Variants in GRM5 observed in about 807,000 individuals in gnomAD.
GRM5 encodes the protein glutamate metabotropic receptor 5, also known as metabotropic glutamate receptor 5.
GRM5 carries 19 observed loss-of-function variants against 83.1 expected under a neutral mutation model. That is an observed-to-expected ratio of 0.23 (90% CI 0.16 to 0.34). The LOEUF is 0.34. Ranked by LOEUF, GRM5 falls within the 10% of genes least tolerant of loss-of-function variation. GRM5 has a pLI of 1.00. For missense variants in GRM5, 1,160 were observed against 1,588.3 expected, an observed-to-expected ratio of 0.73 and a Z score of 4.58; for synonymous variants, 675 against 633.6, an observed-to-expected ratio of 1.07 and a Z score of -0.98.
intron 2 of GRM5, among the ~76,000 whole-genome samples, chr11:88,992,588 T>C (rs1940018886): frequency 6.6e-6 from 1 of 151,840 alleles, no homozygotes; most frequent in Non-Finnish European, 1.5e-5. Context: ...TGTGGCACTA[T>C]TCACAATAGC....
chr11:88,789,764 G>A (rs556621385), intron 3 of GRM5, among the ~76,000 whole-genome samples: 17 of 152,116 alleles, frequency 1.1e-4, no homozygotes, highest in Admixed American at 2.6e-4. Context: ...TTATTCTTAC[G>A]GTAAATTATA....
chr11:88,813,065 G>C (rs1412784962), intron 3 of GRM5, among the ~76,000 whole-genome samples: 2 of 152,166 alleles, frequency 1.3e-5, no homozygotes, highest in Admixed American at 6.5e-5. Flanking sequence ...GGGAAGATTA[G>C]TATTTATCTC....
chr11:88,644,490 G>C (rs1038883868), intron 4 of GRM5, among the ~76,000 whole-genome samples: 1 of 152,156 alleles, frequency 6.6e-6, no homozygotes, highest in Non-Finnish European at 1.5e-5. Flanking sequence ...TAAAATGTTT[G>C]CATGCTGGTC....
intron 2 of GRM5, among the ~76,000 whole-genome samples, chr11:89,038,937 G>T (rs1251439079): frequency 1.3e-5 from 2 of 152,100 alleles, no homozygotes; most frequent in Non-Finnish European, 2.9e-5. Context: ...TTATCAGACT[G>T]TGTTATGAAA....
intron 3 of GRM5, among the ~76,000 whole-genome samples, chr11:88,679,313 C>T (rs940721858): frequency 1.3e-5 from 2 of 151,656 alleles, no homozygotes; most frequent in African/African-American, 4.8e-5. Context: ...CTTGCTTAAA[C>T]AACCATTAAG....
chr11:88,525,502 CTG>C (rs1941851046), intron 8 of GRM5, 98 bp from the exon 9 acceptor site: 1 of 730,320 alleles, frequency 1.4e-6, no homozygotes, highest in Admixed American at 2.3e-5. Context: ...GATGGTCACT[CTG>C]TGCCAAAATG....
At chr11:88,846,196 A>G (rs949270049) in intron 3 of GRM5, among the ~76,000 whole-genome samples, 4 of 152,258 alleles carry the variant, frequency 2.6e-5, no homozygotes, top group Non-Finnish European at 5.9e-5. Flanking sequence ...TTAATTTGCT[A>G]AAAACTAGTT....
At chr11:88,660,014 C>G (rs1208496732) in intron 3 of GRM5, among the ~76,000 whole-genome samples, 1 of 152,190 alleles carries the variant, frequency 6.6e-6, no homozygotes, top group African/African-American at 2.4e-5. Context: ...TTATTCATTT[C>G]AATTTATTAA....
intron 3 of GRM5, among the ~76,000 whole-genome samples, chr11:88,805,114 G>C (rs770622038): frequency 3.3e-5 from 5 of 152,204 alleles, no homozygotes; most frequent in African/African-American, 1.2e-4. Flanking sequence ...CCTGGAGCCA[G>C]AGTTTCTGTT....
chr11:88,581,359 A>C (rs903485367), intron 7 of GRM5, among the ~76,000 whole-genome samples: 1 of 152,196 alleles, frequency 6.6e-6, no homozygotes, highest in Non-Finnish European at 1.5e-5. Context: ...TGTTATCTCA[A>C]TTTTATGGAA....
intron 2 of GRM5, among the ~76,000 whole-genome samples, chr11:88,939,687 C>T (rs948658163): frequency 4.6e-5 from 7 of 151,628 alleles, no homozygotes; most frequent in Admixed American, 6.6e-5. Flanking sequence ...TATTCTAATA[C>T]GTATGTGTGC....
chr11:88,847,491 G>A (rs535309360), intron 3 of GRM5, among the ~76,000 whole-genome samples: 1 of 152,306 alleles, frequency 6.6e-6, no homozygotes, highest in South Asian at 2.1e-4. Flanking sequence ...ATCTCACTAA[G>A]ATAGTTGGAA....
intron 2 of GRM5, among the ~76,000 whole-genome samples, chr11:88,854,814 A>G (rs1944444930): frequency 6.6e-6 from 1 of 151,956 alleles, no homozygotes; most frequent in Admixed American, 6.6e-5. Context: ...ATAAAATAAA[A>G]AACTTTCTGC....
At chr11:88,760,778 C>A (rs1591494923) in intron 3 of GRM5, among the ~76,000 whole-genome samples, 1 of 152,098 alleles carries the variant, frequency 6.6e-6, no homozygotes, top group Non-Finnish European at 1.5e-5. Context: ...AGGCCAATAC[C>A]CTTCATGAAC....
At chr11:88,714,307 G>C (rs183253826) in intron 3 of GRM5, among the ~76,000 whole-genome samples, 34 of 152,018 alleles carry the variant, frequency 2.2e-4, no homozygotes, top group African/African-American at 7.5e-4. Context: ...GGGTAGGAAG[G>C]TTTCTCAGTG....
At chr11:88,773,480 C>A (rs1942782976) in intron 3 of GRM5, among the ~76,000 whole-genome samples, 1 of 152,078 alleles carries the variant, frequency 6.6e-6, no homozygotes, top group African/African-American at 2.4e-5. Flanking sequence ...TCTATTTTGG[C>A]TTTTGTTGCC....
chr11:88,854,749 A>C (rs1944443157), intron 2 of GRM5, among the ~76,000 whole-genome samples: 1 of 152,038 alleles, frequency 6.6e-6, no homozygotes, highest in African/African-American at 2.4e-5. Flanking sequence ...TACCCATGTA[A>C]CAAACCTGCA....
chr11:89,015,186 T>A (rs953003135), intron 2 of GRM5, among the ~76,000 whole-genome samples: 2 of 152,328 alleles, frequency 1.3e-5, no homozygotes, highest in African/African-American at 2.4e-5. Flanking sequence ...GAAATGAGCA[T>A]CCACTCATAA....
At chr11:89,065,572 C>CT (rs944268114) in intron 1 of GRM5, among the ~76,000 whole-genome samples, 3 of 152,108 alleles carry the variant, frequency 2.0e-5, no homozygotes, top group African/African-American at 7.2e-5. Context: ...TGCAGGGTGA[C>CT]TTTTCTAAAC....
Sources: allele counts gnomAD v4.1 joint callset (sites outside exome capture counted in the v4.1 genomes callset), GRCh38; gene constraint gnomAD v4.1.1; transcripts MANE v1.5; gene names NCBI Gene and HGNC (gene_info 2026-07-23, HGNC 2026-07-21).